The following CLIP4 variants were observed in gnomAD, a reference collection of about 807,000 sequenced individuals.
CLIP4 encodes CAP-Gly domain containing linker protein family member 4.
CLIP4 carries 47 observed loss-of-function variants against 73.1 expected under a neutral mutation model. The observed-to-expected ratio is 0.64, with a 90% CI of 0.51 to 0.82. The LOEUF is 0.82. Ranked by LOEUF, CLIP4 falls within the 40% of genes least tolerant of loss-of-function variation. The probability of loss-of-function intolerance (pLI) is 0.00; values close to 1 mark genes in which losing one functional copy is unlikely to be tolerated. For missense variants in CLIP4, 874 were observed against 852.9 expected, an observed-to-expected ratio of 1.02 and a Z score of -0.31; for synonymous variants, 306 against 295.4, an observed-to-expected ratio of 1.04 and a Z score of -0.37.
chr2:29,128,034 A>G (rs1000580843), intron 2 of CLIP4, among the ~76,000 whole-genome samples: 7 of 152,202 alleles, frequency 4.6e-5, no homozygotes, highest in African/African-American at 1.7e-4. Flanking sequence ...CAAAAATAAC[A>G]TAAGGTTAAG....
intron 8 of CLIP4, among the ~76,000 whole-genome samples, chr2:29,147,201 G>A (rs987532516): frequency 6.6e-6 from 1 of 151,862 alleles, no homozygotes; most frequent in Non-Finnish European, 1.5e-5. Flanking sequence ...TTCTCTTATT[G>A]TGGTGAAATA....
chr2:29,160,596 C>T, intron 12 of CLIP4, 129 bp downstream of exon 12: 2 of 1,009,086 alleles, frequency 2.0e-6, no homozygotes, highest in Non-Finnish European at 2.9e-6. Context: ...AGCTATAGTA[C>T]AGAAAATGTG....
At position 29,174,376 on chromosome 2, in the gene CLIP4, T is replaced by G. The variant is rs1435151134; in HGVS notation, c.1727T>G (p.Phe576Cys). The stretch of plus-strand genomic sequence containing the variant: ...TAACCCCAACTTTCATATTTAGGTT[T>G]TAGGAGAAGTTTTAGCACAACTTCT... The part of the protein sequence containing the change: ...SNKQNHSYPG[F>C]RRSFSTTSAS... Residue 576 changes from phenylalanine (F) to cysteine (C), a missense_variant, in exon 15 of 16, where the codon TTT becomes TGT. Transcript: ENST00000320081. The G allele has an allele frequency of 1.2e-6, 2 of 1,610,190 alleles. No homozygotes were observed. The highest frequency in any genetic ancestry group is 1.3e-5 in the African/African-American group (1 of 74,708).
intron 1 of CLIP4, among the ~76,000 whole-genome samples, chr2:29,100,184 C>G (rs1260398296): frequency 2.0e-5 from 3 of 152,072 alleles, no homozygotes; most frequent in African/African-American, 7.2e-5. Context: ...CCCACCGTGG[C>G]CTCCCAAAAT....
At chr2:29,122,749 C>T (rs1195534548) in intron 2 of CLIP4, among the ~76,000 whole-genome samples, 2 of 143,928 alleles carry the variant, frequency 1.4e-5, no homozygotes, top group Admixed American at 1.5e-4. Flanking sequence ...ATCACTTGAA[C>T]CAGGAGGCAG....
intron 1 of CLIP4, among the ~76,000 whole-genome samples, chr2:29,099,789 T>G (rs553663497): frequency 6.6e-6 from 1 of 152,376 alleles, no homozygotes; most frequent in Non-Finnish European, 1.5e-5. Flanking sequence ...TGGGAAGAAC[T>G]GTCATTTTGA....
chr2:29,147,322 T>A (rs1414462661), intron 8 of CLIP4, among the ~76,000 whole-genome samples: 2 of 152,112 alleles, frequency 1.3e-5, no homozygotes, highest in Admixed American at 1.3e-4. Context: ...GTGTCTTTTT[T>A]AAAAAAGGAT....
chr2:29,172,401 G>A (rs757080424), intron 14 of CLIP4, among the ~76,000 whole-genome samples: 1 of 152,106 alleles, frequency 6.6e-6, no homozygotes, highest in Non-Finnish European at 1.5e-5. Context: ...TTTACTGGGT[G>A]TAGAATTTTA....
chr2:29,139,178 A>G (rs547529151), intron 6 of CLIP4, among the ~76,000 whole-genome samples: 1 of 145,618 alleles, frequency 6.9e-6, no homozygotes, highest in South Asian at 2.1e-4. Flanking sequence ...TGTTCCTTCA[A>G]TGCCTAATTT....
intron 15 of CLIP4, among the ~76,000 whole-genome samples, chr2:29,179,439 T>C (rs540580238): frequency 6.6e-6 from 1 of 152,356 alleles, no homozygotes; most frequent in East Asian, 1.9e-4. Flanking sequence ...CCATTCTGTT[T>C]GTGAAGAGAG....
intron 15 of CLIP4, chr2:29,175,393 A>C (rs1250110678): frequency 6.6e-6 from 1 of 152,222 alleles, no homozygotes; most frequent in African/African-American, 2.4e-5. Flanking sequence ...GTTTAAGGGC[A>C]GTCAGTTTAT....
chr2:29,107,376 T>G (rs909193176), intron 1 of CLIP4, among the ~76,000 whole-genome samples: 13 of 128,064 alleles, frequency 1.0e-4, no homozygotes, highest in African/African-American at 3.3e-4. Flanking sequence ...TTTTTTTTTT[T>G]TTTTTTTTTT....
At chr2:29,142,357 A>G (rs1399036970) in intron 6 of CLIP4, among the ~76,000 whole-genome samples, 1 of 152,050 alleles carries the variant, frequency 6.6e-6, no homozygotes, top group Non-Finnish European at 1.5e-5. Flanking sequence ...ATGGGAATTA[A>G]CAGAAGTGTG....
intron 15 of CLIP4, chr2:29,174,676 T>C (rs1331498202): frequency 1.6e-6 from 2 of 1,224,040 alleles, no homozygotes; most frequent in South Asian, 5.3e-5. Flanking sequence ...TTTATCTTCA[T>C]AGAGGTCAGA....
rs1215180039 is a variant in CLIP4 at position 29,182,618 on chromosome 2, A to G, written c.*725A>G. 1 of 152,540 alleles carries G rather than the reference A, an allele frequency of 6.6e-6. No individual in the cohort carries two copies. The highest frequency in any genetic ancestry group is 1.5e-5 in the Non-Finnish European group (1 of 68,022). The allele number at this position is 152,540 out of a possible 1,614,324, so 9.4% of individuals were successfully genotyped here. ...GGCCCAGTGCTCTTTCTGCTATACA[A>G]AATGTCTAATCTCAGATTTTTCTTC... On this transcript the variant is annotated 3_prime_UTR_variant, in exon 16 of 16. Coordinates refer to ENST00000320081, the MANE Select transcript of CLIP4 (RefSeq NM_024692.6).
intron 6 of CLIP4, among the ~76,000 whole-genome samples, chr2:29,136,057 T>C (rs1051039554): frequency 1.3e-5 from 2 of 152,170 alleles, no homozygotes; most frequent in African/African-American, 4.8e-5. Context: ...TATATACCCA[T>C]TTAAGGATGA....
chr2:29,136,757 A>AG (rs1665393881), intron 6 of CLIP4, among the ~76,000 whole-genome samples: 1 of 152,104 alleles, frequency 6.6e-6, no homozygotes, highest in Non-Finnish European at 1.5e-5. Context: ...CAAGAAGCCT[A>AG]GGAGATGATC....
chr2:29,134,408 T>G lies in CLIP4; in HGVS notation c.529+592T>G, dbSNP rs192894354. On this transcript the variant is annotated intron_variant, in intron 5 of 15. Transcript: ENST00000320081. Reference sequence around the variant, plus strand: ...GAGAGCAAGCAAATAGTATTAACGTTAAGTTAAAGTGTACAATATTTTCCC... The same window carrying G: ...GAGAGCAAGCAAATAGTATTAACGTGAAGTTAAAGTGTACAATATTTTCCC... Among the ~76,000 whole-genome samples, 4 of 152,346 alleles carry G rather than the reference T, an allele frequency of 2.6e-5. No individual in the cohort carries two copies. The East Asian group carries it at 7.7e-4, about 29-fold the overall frequency.
intron 1 of CLIP4, among the ~76,000 whole-genome samples, chr2:29,104,972 T>C (rs1315377927): frequency 6.6e-6 from 1 of 152,152 alleles, no homozygotes; most frequent in Non-Finnish European, 1.5e-5. Flanking sequence ...TAGGAAGCTG[T>C]GTGGCTGTTG....
Sources: allele counts gnomAD v4.1 joint callset (sites outside exome capture counted in the v4.1 genomes callset), GRCh38; gene constraint gnomAD v4.1.1; transcripts MANE v1.5; gene names NCBI Gene and HGNC (gene_info 2026-07-23, HGNC 2026-07-21).